Variants in RAD51B observed in about 807,000 individuals in gnomAD.
RAD51B encodes the protein DNA repair protein RAD51 homolog 2.
RAD51B carries 38 observed loss-of-function variants against 42.2 expected under a neutral mutation model. That is an observed-to-expected ratio of 0.90 (90% CI 0.70 to 1.18). RAD51B has a LOEUF of 1.18. RAD51B is among the 50% of genes most tolerant of loss of function. The pLI, the probability that RAD51B is intolerant of heterozygous loss-of-function variation, is 0.00. For missense variants in RAD51B, 373 were observed against 400.7 expected, an observed-to-expected ratio of 0.93 and a Z score of 0.59; for synonymous variants, 154 against 145.2, an observed-to-expected ratio of 1.06 and a Z score of -0.43.
At chr14:68,083,497 A>C (rs1595372262) in intron 7 of RAD51B, among the ~76,000 whole-genome samples, 1 of 152,262 alleles carries the variant, frequency 6.6e-6, no homozygotes. Flanking sequence ...TTTTCCCCTA[A>C]ATTTTGCGCT....
At chr14:68,078,304 G>A (rs72725187) in intron 7 of RAD51B, among the ~76,000 whole-genome samples, 25,499 of 152,128 alleles carry the variant, frequency 0.17, 2,320 homozygotes, top group Middle Eastern at 0.34. Context: ...ATGCACCACT[G>A]TGCCTGGCCA....
At chr14:68,436,405 G>A (rs576950140) in intron 9 of RAD51B, among the ~76,000 whole-genome samples, 2 of 152,186 alleles carry the variant, frequency 1.3e-5, no homozygotes, top group Admixed American at 6.5e-5. Context: ...CAGTAGCATG[G>A]CGTTTGGGTT....
chr14:67,852,350 G>A (rs1008009333), intron 4 of RAD51B, among the ~76,000 whole-genome samples: 3 of 152,214 alleles, frequency 2.0e-5, no homozygotes, highest in African/African-American at 4.8e-5. Flanking sequence ...TATAACAGCT[G>A]GCACCAGGGA....
Position 68,455,581 on chromosome 14 carries a change from G to A in RAD51B, c.958-12591G>A, listed in dbSNP as rs549555597. On this transcript the variant is annotated intron_variant, in intron 9 of 10. Transcript: ENST00000471583. ...AAATACAAAAAAAAATTAGCCAGACGTGGTGGCGGGCGCCTGTAGTCCCAG... is the reference window on the plus strand; with the variant it reads ...AAATACAAAAAAAAATTAGCCAGACATGGTGGCGGGCGCCTGTAGTCCCAG... Among the ~76,000 whole-genome samples the A allele has an allele frequency of 4.9e-3, 750 of 152,188 alleles. 5 individuals are homozygous for A. Among genetic ancestry groups the A allele is most frequent in the Non-Finnish European group, 7.4e-3 (506 of 68,004 alleles).
intron 7 of RAD51B, among the ~76,000 whole-genome samples, chr14:67,926,639 C>T (rs1203184028): frequency 3.5e-5 from 5 of 141,478 alleles, no homozygotes; most frequent in Admixed American, 7.3e-5. Context: ...TCTTGGCTCA[C>T]TGCAGCCTCC....
At chr14:68,112,625 G>A (rs556672314) in intron 7 of RAD51B, among the ~76,000 whole-genome samples, 192 of 152,226 alleles carry the variant, frequency 1.3e-3, no homozygotes, top group Non-Finnish European at 2.3e-3. Context: ...TGTTTTTAGT[G>A]CAGACATAGG....
chr14:68,278,989 T>A (rs1051548316), intron 7 of RAD51B, among the ~76,000 whole-genome samples: 2 of 152,374 alleles, frequency 1.3e-5, no homozygotes, highest in Non-Finnish European at 2.9e-5. Context: ...TTCTTTTCAT[T>A]TTTTCTTCTT....
At chr14:67,894,653 C>T (rs1446431300) in intron 7 of RAD51B, among the ~76,000 whole-genome samples, 1 of 152,154 alleles carries the variant, frequency 6.6e-6, no homozygotes, top group Non-Finnish European at 1.5e-5. Context: ...TAAGTAACTT[C>T]TCTGTCTGTC....
At chr14:68,227,146 A>G (rs1481341575) in intron 7 of RAD51B, among the ~76,000 whole-genome samples, 1 of 152,230 alleles carries the variant, frequency 6.6e-6, no homozygotes, top group Non-Finnish European at 1.5e-5. Flanking sequence ...ATGGAGAAAC[A>G]AAAGATTGAC....
At chr14:67,909,430 G>C (rs2043890227) in intron 7 of RAD51B, among the ~76,000 whole-genome samples, 1 of 152,176 alleles carries the variant, frequency 6.6e-6, no homozygotes, top group Non-Finnish European at 1.5e-5. Flanking sequence ...GGAACAATTT[G>C]ACAAAACTTA....
intron 7 of RAD51B, among the ~76,000 whole-genome samples, chr14:68,139,161 A>T (rs2078073396): frequency 1.3e-5 from 2 of 152,202 alleles, no homozygotes; most frequent in Non-Finnish European, 1.5e-5. Flanking sequence ...ACATACTATA[A>T]GACAGGGCAC....
intron 7 of RAD51B, among the ~76,000 whole-genome samples, chr14:68,218,517 G>A (rs1332092856): frequency 6.6e-6 from 1 of 152,192 alleles, no homozygotes; most frequent in East Asian, 1.9e-4. Context: ...ATCTCTGTGT[G>A]ATAACTTAAT....
intron 10 of RAD51B, among the ~76,000 whole-genome samples, chr14:68,640,559 T>C (rs975333824): frequency 1.3e-5 from 2 of 152,178 alleles, no homozygotes; most frequent in Non-Finnish European, 2.9e-5. Flanking sequence ...TCAAGAAGCT[T>C]ATGCTCTGGT....
chr14:67,995,189 C>CTGCTG, intron 7 of RAD51B, among the ~76,000 whole-genome samples: 1 of 152,118 alleles, frequency 6.6e-6, no homozygotes, highest in Admixed American at 6.5e-5. Context: ...AGATCGAGAC[C>CTGCTG]ATCTTGGCCA....
intron 9 of RAD51B, among the ~76,000 whole-genome samples, chr14:68,453,637 G>A (rs902647104): frequency 6.6e-6 from 1 of 152,046 alleles, no homozygotes; most frequent in African/African-American, 2.4e-5. Context: ...TTAAAACAGG[G>A]GATTATGCCT....
intron 8 of RAD51B, among the ~76,000 whole-genome samples, chr14:68,309,358 T>C (rs1007751862): frequency 2.0e-5 from 3 of 152,204 alleles, no homozygotes; most frequent in African/African-American, 7.2e-5. Context: ...CTGGTACTTG[T>C]AGTGAAATGA....
chr14:67,932,518 G>A (rs1056773282), intron 7 of RAD51B, among the ~76,000 whole-genome samples: 1 of 152,146 alleles, frequency 6.6e-6, no homozygotes, highest in Non-Finnish European at 1.5e-5. Context: ...GGACCAAGAG[G>A]TTCAATTCTT....
At chr14:68,070,366 A>G (rs2076721682) in intron 7 of RAD51B, among the ~76,000 whole-genome samples, 1 of 152,078 alleles carries the variant, frequency 6.6e-6, no homozygotes, top group Non-Finnish European at 1.5e-5. Flanking sequence ...GCTGATATCC[A>G]GAATGGTATT....
intron 8 of RAD51B, among the ~76,000 whole-genome samples, chr14:68,378,660 A>G (rs778751955): frequency 3.2e-4 from 48 of 151,180 alleles, no homozygotes; most frequent in African/African-American, 1.1e-3. Flanking sequence ...TATTATTTTT[A>G]TTGTTATATT....
Sources: allele counts gnomAD v4.1 joint callset (sites outside exome capture counted in the v4.1 genomes callset), GRCh38; gene constraint gnomAD v4.1.1; transcripts MANE v1.5; gene names NCBI Gene and HGNC (gene_info 2026-07-23, HGNC 2026-07-21).